Variants in PRKX observed in about 807,000 individuals in gnomAD.
The protein encoded by PRKX is cAMP-dependent protein kinase catalytic subunit PRKX.
PRKX carries 12 observed loss-of-function variants against 22.0 expected under a neutral mutation model. That is an observed-to-expected ratio of 0.54 (90% CI 0.35 to 0.88). PRKX has a LOEUF of 0.88. Among genes scored for constraint, PRKX ranks in the 40% least tolerant of loss-of-function variants. The pLI is 0.01. For synonymous variants in PRKX, 134 were observed against 137.7 expected (o/e 0.97, Z 0.19); for missense variants, 217 against 308.0 (o/e 0.70, Z 2.21).
intron 1 of PRKX, among the ~76,000 whole-genome samples, chrX:3,705,999 C>CT (rs1229020508): frequency 1.8e-4 from 11 of 60,216 alleles, no homozygotes; most frequent in Middle Eastern, 8.1e-3. Context: ...GCCGGTTTTT[C>CT]TTTAAAAAAA....
At chrX:3,639,479 AG>A (rs1477197112) in intron 4 of PRKX, among the ~76,000 whole-genome samples, 3 of 13,555 alleles carry the variant, frequency 2.2e-4, no homozygotes, top group African/African-American at 8.3e-4. Context: ...ATGAAGGGGT[AG>A]GGGGTGGGGG....
Position 3,674,756 on chromosome X carries a change from C to G in PRKX, c.177G>C (p.Thr59=), listed in dbSNP as rs56037462. 2.5e-6 allele frequency: 3 copies of G among 1,210,726 alleles called. No homozygotes were observed. The South Asian group carries it at 5.3e-5, about 21-fold the overall frequency. ...FDTLATVGTG[T]FGRVHLVKEK... is the part of the protein sequence containing the mutation. Reference sequence around the variant, plus strand: ...CCTTCACCAGGTGCACCCGCCCGAACGTCCCAGTGCCTGGAGAGAGAAGAA... The same window carrying G: ...CCTTCACCAGGTGCACCCGCCCGAAGGTCCCAGTGCCTGGAGAGAGAAGAA... The change falls in exon 2 of 9, where the codon ACG becomes ACC. Residue 59 remains threonine (T), a synonymous_variant. Transcript: ENST00000262848.
chrX:3,702,437 T>C (rs1483026651), intron 1 of PRKX, among the ~76,000 whole-genome samples: 2 of 111,960 alleles, frequency 1.8e-5, no homozygotes, highest in Admixed American at 1.9e-4. Context: ...CCAAATCTCT[T>C]TGATGGGGTA....
intron 1 of PRKX, among the ~76,000 whole-genome samples, chrX:3,711,730 G>A (rs2146617851): frequency 9.0e-6 from 1 of 110,977 alleles, no homozygotes; most frequent in East Asian, 2.9e-4. Flanking sequence ...GGGGGACCAA[G>A]ACAAGGGGGA....
intron 1 of PRKX, among the ~76,000 whole-genome samples, chrX:3,687,683 G>C (rs1248471598): frequency 2.7e-5 from 3 of 110,494 alleles, no homozygotes; most frequent in Non-Finnish European, 5.7e-5. Context: ...CATCCCAGGG[G>C]CTAAAAAAAA....
intron 3 of PRKX, among the ~76,000 whole-genome samples, chrX:3,647,644 TAC>T (rs1243693440): frequency 9.3e-6 from 1 of 107,793 alleles, no homozygotes; most frequent in Non-Finnish European, 1.9e-5. Flanking sequence ...GTGTAAATAT[TAC>T]AATTATATAG....
intron 1 of PRKX, among the ~76,000 whole-genome samples, chrX:3,692,985 G>A (rs1928364813): frequency 9.1e-6 from 1 of 110,289 alleles, no homozygotes; most frequent in East Asian, 2.8e-4. Context: ...AATAGCTTTT[G>A]GGAAAAAAAA....
At chrX:3,639,028 G>C (rs1194286891) in intron 4 of PRKX, among the ~76,000 whole-genome samples, 1 of 74,555 alleles carries the variant, frequency 1.3e-5, no homozygotes, top group East Asian at 4.6e-4. Context: ...TTAGATGATA[G>C]ATAAGGATAA....
chrX:3,667,812 C>T (rs1927766968), intron 2 of PRKX: 1 of 111,005 alleles, frequency 9.0e-6, no homozygotes, highest in South Asian at 3.9e-4. Flanking sequence ...AGTTTCTCCC[C>T]CATGTCCCTC....
At chrX:3,667,810 C>G (rs1405891944) in intron 2 of PRKX, 1 of 110,998 alleles carries the variant, frequency 9.0e-6, no homozygotes, top group Non-Finnish European at 1.9e-5. Context: ...TGAGTTTCTC[C>G]CCCATGTCCC....
At chrX:3,700,394 T>G (rs892322499) in intron 1 of PRKX, among the ~76,000 whole-genome samples, 1 of 111,921 alleles carries the variant, frequency 8.9e-6, no homozygotes, top group Non-Finnish European at 1.9e-5. Context: ...CCAGAATCTA[T>G]TCTCAAAATA....
At chrX:3,712,536 G>A (rs1288622137) in intron 1 of PRKX, among the ~76,000 whole-genome samples, 2 of 112,525 alleles carry the variant, frequency 1.8e-5, no homozygotes, top group East Asian at 2.8e-4. Context: ...GGACATGTTA[G>A]GATCCGTCCC....
chrX:3,710,529 G>A (rs1174161624), intron 1 of PRKX, among the ~76,000 whole-genome samples: 1 of 111,155 alleles, frequency 9.0e-6, no homozygotes, highest in African/African-American at 3.3e-5. Context: ...CCGCCACCAC[G>A]CCCGGCTAAT....
intron 2 of PRKX, among the ~76,000 whole-genome samples, chrX:3,670,979 C>A (rs1375175212): frequency 8.9e-6 from 1 of 111,941 alleles, no homozygotes; most frequent in Non-Finnish European, 1.9e-5. Flanking sequence ...GACTTCAGGG[C>A]CTGCCTTGTT....
At chrX:3,645,547 T>C (rs1927170121) in intron 3 of PRKX, among the ~76,000 whole-genome samples, 2 of 112,143 alleles carry the variant, frequency 1.8e-5, no homozygotes, top group Admixed American at 9.5e-5. Context: ...AAGTTCTCTT[T>C]TGGGATCGTG....
chrX:3,653,445 C>T (rs75694222), intron 3 of PRKX, among the ~76,000 whole-genome samples: 359 of 108,622 alleles, frequency 3.3e-3, no homozygotes, highest in African/African-American at 0.012. Flanking sequence ...CTGGCTGAGA[C>T]GACATGTAAT....
rs1175071564 is a variant in PRKX at position 3,645,155 on chromosome X, A to C, written c.600-3184T>G. Among the ~76,000 whole-genome samples the C allele has an allele frequency of 5.4e-5, 6 of 111,298 alleles. No individual in the cohort carries two copies. In the Admixed American group the frequency reaches 5.8e-4, roughly 11 times the overall value. On this transcript the variant is annotated intron_variant, in intron 3 of 8. Coordinates refer to ENST00000262848, the MANE Select transcript of PRKX (RefSeq NM_005044.5). ...GTCGAGACCACTGGTCTGGGCAGTGAATTATCCACTTCCCTGCTCCTGTCT... is the reference window on the plus strand; with the variant it reads ...GTCGAGACCACTGGTCTGGGCAGTGCATTATCCACTTCCCTGCTCCTGTCT...
rs1409872049 is a variant in PRKX at position 3,646,888 on chromosome X, A to C, written c.600-4917T>G. On this transcript the variant is annotated intron_variant, in intron 3 of 8. Coordinates refer to ENST00000262848, the MANE Select transcript of PRKX (RefSeq NM_005044.5). The stretch of plus-strand genomic sequence containing the variant: ...TCCTAGGCACCACTGATCAGCAGGG[A>C]GAAGGGTGCCTGTCACCAACCTCGG... Among the ~76,000 whole-genome samples, 7 of 110,639 alleles carry C rather than the reference A, an allele frequency of 6.3e-5. No homozygotes were observed. The Admixed American group carries it at 6.8e-4, about 11-fold the overall frequency.
chrX:3,659,717 G>GTTTTTTTT (rs369338597), intron 2 of PRKX, among the ~76,000 whole-genome samples: 3 of 28,038 alleles, frequency 1.1e-4, no homozygotes, highest in African/African-American at 1.8e-4. Flanking sequence ...TGTTTTTTTT[G>GTTTTTTTT]TTTTTTTTTT....
Sources: gnomAD v4.1 joint callset for allele counts (sites outside exome capture counted in the v4.1 genomes callset) on GRCh38, gnomAD v4.1.1 for gene constraint, MANE v1.5 for transcripts, NCBI Gene and HGNC (gene_info 2026-07-23, HGNC 2026-07-21) for gene names.